The following POLR3B variants were observed in gnomAD, a reference collection of about 807,000 sequenced individuals.
POLR3B encodes the protein RNA polymerase III subunit B.
Under a neutral mutation model 147.4 loss-of-function variants are expected in POLR3B, and 96 were observed. The observed-to-expected ratio is 0.65, with a 90% CI of 0.55 to 0.77. POLR3B has a LOEUF of 0.77. Among genes scored for constraint, POLR3B ranks in the 30% least tolerant of loss-of-function variants. The pLI, the probability that POLR3B is intolerant of heterozygous loss-of-function variation, is 0.00. For synonymous variants in POLR3B, 461 were observed against 485.9 expected (o/e 0.95, Z 0.67); for missense variants, 1,036 against 1,413.5 (o/e 0.73, Z 4.28).
At chr12:106,432,267 C>G (rs769303343) in intron 14 of POLR3B, 51 bp from the exon 15 acceptor site, 2 of 1,535,510 alleles carry the variant, frequency 1.3e-6, no homozygotes, top group South Asian at 2.2e-5. Flanking sequence ...GTAAACTGTA[C>G]TTTGTATTAC....
At chr12:106,383,972 C>T (rs1262910254) in intron 9 of POLR3B, among the ~76,000 whole-genome samples, 1 of 145,724 alleles carries the variant, frequency 6.9e-6, no homozygotes, top group Non-Finnish European at 1.5e-5. Flanking sequence ...AGTGAGACTC[C>T]ATCTCAAAAA....
At position 106,411,261 on chromosome 12, in the gene POLR3B, C is replaced by G. The variant is rs146242829; in HGVS notation, c.1101+301C>G. 2.9e-3 allele frequency among the ~76,000 whole-genome samples: 437 copies of G among 152,228 alleles called. 4 individuals are homozygous for G. The highest frequency in any genetic ancestry group is 9.9e-3 in the African/African-American group (412 of 41,534). On this transcript the variant is annotated intron_variant, in intron 12 of 27. Coordinates refer to ENST00000228347, the MANE Select transcript of POLR3B (RefSeq NM_018082.6). ...TCAAGCGATTCTCCTGCCTCAGCCTCCCGAGTAGCTGTGATTACAGGCATG... is the reference window on the plus strand; with the variant it reads ...TCAAGCGATTCTCCTGCCTCAGCCTGCCGAGTAGCTGTGATTACAGGCATG...
At chr12:106,422,180 G>A (rs1484480528) in intron 12 of POLR3B, among the ~76,000 whole-genome samples, 1 of 152,112 alleles carries the variant, frequency 6.6e-6, no homozygotes, top group Non-Finnish European at 1.5e-5. Context: ...GGGTCATGGG[G>A]GTGGTTTTTA....
At chr12:106,452,617 C>T (rs1348849068) in intron 19 of POLR3B, among the ~76,000 whole-genome samples, 1 of 152,150 alleles carries the variant, frequency 6.6e-6, no homozygotes, top group Non-Finnish European at 1.5e-5. Flanking sequence ...TAAGTGATTT[C>T]ATAAAAAAGG....
chr12:106,504,316 A>G lies in POLR3B; in HGVS notation c.3272+62A>G. ...TTGCCTCTTAAATCACAGCTCAAGA[A>G]TTGACCCTGGATCCTATCCGCATAT... On this transcript the variant is annotated intron_variant, in intron 27 of 27. Coordinates refer to ENST00000228347, the MANE Select transcript of POLR3B (RefSeq NM_018082.6). The surrounding 1 kb of genome is among the most constrained non-coding windows in gnomAD (Gnocchi z 4.6). 2 of 1,355,228 alleles carry G rather than the reference A, an allele frequency of 1.5e-6. No individual in the cohort carries two copies. The highest frequency in any genetic ancestry group is 2.1e-6 in the Non-Finnish European group (2 of 943,938). 84.0% of individuals were successfully genotyped at this position (1,355,228 alleles called of 1,614,324 possible). A position where few individuals can be genotyped will look rare whatever the true frequency, so the allele number is the denominator to read the frequency against.
intron 23 of POLR3B, chr12:106,495,837 C>A: frequency 1.5e-6 from 1 of 656,708 alleles, no homozygotes; most frequent in Non-Finnish European, 2.8e-6. Flanking sequence ...GCCGGCAGCA[C>A]AGTCCACAGG....
chr12:106,430,297 A>T lies in POLR3B; in HGVS notation c.1288A>T (p.Lys430Ter). Residue 430 changes from lysine to a stop codon, truncating the protein, a stop_gained, in exon 14 of 28, where the codon AAA (lysine) becomes TAA (stop). Transcript: ENST00000228347. LOFTEE classifies it high-confidence loss of function. ...GGGAAATTGGTCTTTAAAGAGATTT[A>T]AAATGGACCGCCAGGGTGTAACCCA... ...STGNWSLKRFKMDRQGVTQVL... is the reference protein window; with the variant it reads ...STGNWSLKRF 6.2e-7 allele frequency: 1 copy of T among 1,613,832 alleles called. No homozygotes were observed. Among genetic ancestry groups the T allele is most frequent in the Non-Finnish European group, 8.5e-7 (1 of 1,179,726 alleles).
intron 23 of POLR3B, among the ~76,000 whole-genome samples, chr12:106,472,329 G>A (rs541439988): frequency 9.5e-4 from 144 of 152,006 alleles, no homozygotes; most frequent in African/African-American, 3.3e-3. Flanking sequence ...ACATACGTGT[G>A]CATGTGTCTT....
intron 12 of POLR3B, among the ~76,000 whole-genome samples, chr12:106,418,068 A>AT (rs2136944630): frequency 1.3e-5 from 2 of 152,340 alleles, no homozygotes; most frequent in South Asian, 4.1e-4. Flanking sequence ...TCAGCTTTAG[A>AT]TAACAGAGTT....
chr12:106,376,374 A>C lies in POLR3B; in HGVS notation c.420A>C (p.Leu140=), dbSNP rs1257294237. 1.2e-6 allele frequency: 2 copies of C among 1,611,150 alleles called. No homozygotes were observed. Among genetic ancestry groups the C allele is most frequent in the Non-Finnish European group, 1.7e-6 (2 of 1,177,934 alleles). Reference sequence around the variant, plus strand: ...TTTTATACAGAATGCCCATAATGCTACGTAGTTCAAACTGTGTTCTTACAG... The same window carrying C: ...TTTTATACAGAATGCCCATAATGCTCCGTAGTTCAAACTGTGTTCTTACAG... ...ALPIGRMPIM[L]RSSNCVLTGK... The change falls in exon 7 of 28, where the codon CTA becomes CTC. Residue 140 remains leucine, a synonymous_variant. Transcript: ENST00000228347.
At chr12:106,440,751 C>A (rs1026162190) in intron 18 of POLR3B, among the ~76,000 whole-genome samples, 7 of 150,978 alleles carry the variant, frequency 4.6e-5, no homozygotes, top group African/African-American at 1.7e-4. Flanking sequence ...ACTTCTTGTG[C>A]CTATTACCAT....
At chr12:106,379,284 T>C (rs1334426244) in intron 8 of POLR3B, among the ~76,000 whole-genome samples, 2 of 152,204 alleles carry the variant, frequency 1.3e-5, no homozygotes, top group Non-Finnish European at 2.9e-5. Context: ...ATCTGTAACT[T>C]TGGAGCCAAG....
chr12:106,491,153 G>C (rs999932147), intron 23 of POLR3B, among the ~76,000 whole-genome samples: 1 of 152,068 alleles, frequency 6.6e-6, no homozygotes, highest in Non-Finnish European at 1.5e-5. Context: ...CTTTCTCTAA[G>C]GACCTTAAAG....
intron 8 of POLR3B, 125 bp from the exon 9 acceptor site, chr12:106,379,892 TAAAGTACTTATTAG>T: frequency 1.5e-6 from 1 of 672,966 alleles, no homozygotes; most frequent in Middle Eastern, 2.8e-4. Context: ...ATTGTCTTTT[TAAAGTACTTATTAG>T]AAAGGACCTT....
chr12:106,487,859 C>T (rs571732137), intron 23 of POLR3B, among the ~76,000 whole-genome samples: 143 of 152,218 alleles, frequency 9.4e-4, no homozygotes, highest in Non-Finnish European at 1.7e-3. Context: ...CGTGGGTCAG[C>T]TGGAATAAGC....
intron 19 of POLR3B, among the ~76,000 whole-genome samples, chr12:106,450,636 A>T (rs1172604140): frequency 6.6e-6 from 1 of 152,114 alleles, no homozygotes; most frequent in Non-Finnish European, 1.5e-5. Flanking sequence ...GCAAATTAAG[A>T]CCCCTATAAG....
chr12:106,407,443 C>T (rs1337799732), intron 11 of POLR3B, among the ~76,000 whole-genome samples: 4 of 152,178 alleles, frequency 2.6e-5, no homozygotes, highest in African/African-American at 9.7e-5. Flanking sequence ...AGGAGCTACA[C>T]TTACCTTCAC....
At chr12:106,400,154 G>A (rs2037041974) in intron 10 of POLR3B, among the ~76,000 whole-genome samples, 2 of 152,050 alleles carry the variant, frequency 1.3e-5, no homozygotes, top group African/African-American at 4.8e-5. Context: ...CCAAGCAAAT[G>A]GAAAACAGAA....
In POLR3B at chr12:106,504,004, C is replaced by A; in HGVS notation, c.3099-77C>A. On this transcript the variant is annotated intron_variant, in intron 26 of 27. Transcript: ENST00000228347. This position sits in a 1 kb window ranked among gnomAD's most constrained non-coding sequence, Gnocchi z 4.6. ...GAGCCCTGCTCCAAAGCCTCGTGCT[C>A]TCTGCCAGCATGTGATGCTACCTCT... 2.2e-6 allele frequency: 3 copies of A among 1,371,498 alleles called. No individual in the cohort carries two copies. The highest frequency in any genetic ancestry group is 3.1e-6 in the Non-Finnish European group (3 of 958,996). 85.0% of individuals were successfully genotyped at this position (1,371,498 alleles called of 1,614,324 possible). A position where few individuals can be genotyped will look rare whatever the true frequency, so the allele number is the denominator to read the frequency against.
Sources: gnomAD v4.1 joint callset for allele counts (sites outside exome capture counted in the v4.1 genomes callset) on GRCh38, gnomAD v4.1.1 for gene constraint, Gnocchi (gnomAD v3.1) non-coding constraint, MANE v1.5 for transcripts, NCBI Gene and HGNC (gene_info 2026-07-23, HGNC 2026-07-21) for gene names.